The following BABAM2 variants were observed in gnomAD, a reference collection of about 807,000 sequenced individuals.
BABAM2 encodes BRISC and BRCA1-A complex member 2.
BABAM2 carries 31 observed loss-of-function variants against 54.7 expected under a neutral mutation model. The observed-to-expected ratio is 0.57, with a 90% CI of 0.43 to 0.77. The LOEUF (loss-of-function observed/expected upper bound fraction) is 0.77, where lower values mean the gene tolerates loss of function less well. Ranked by LOEUF, BABAM2 falls within the 30% of genes least tolerant of loss-of-function variation. The probability of loss-of-function intolerance (pLI) is 0.00; values close to 1 mark genes in which losing one functional copy is unlikely to be tolerated. For missense variants in BABAM2, 364 were observed against 455.8 expected (o/e 0.80, Z 1.83); for synonymous variants, 167 against 162.9 (o/e 1.03, Z -0.19).
intron 4 of BABAM2, among the ~76,000 whole-genome samples, chr2:28,002,159 T>C (rs1436354270): frequency 6.6e-6 from 1 of 152,168 alleles, no homozygotes; most frequent in Non-Finnish European, 1.5e-5. Flanking sequence ...TAAACAATGT[T>C]ATCAGGGCTT....
upstream of BABAM2, chr2:27,890,112 G>T: frequency 1.5e-6 from 1 of 651,658 alleles, no homozygotes; most frequent in Non-Finnish European, 2.6e-6. This position sits in a 1 kb window ranked among gnomAD's most constrained non-coding sequence, Gnocchi z 4.8. Context: ...AAGGTAGGCT[G>T]AAGGCTTCGA....
chr2:28,184,922 T>C (rs1676120111), intron 7 of BABAM2, among the ~76,000 whole-genome samples: 1 of 152,246 alleles, frequency 6.6e-6, no homozygotes, highest in African/African-American at 2.4e-5. Flanking sequence ...AAGTCACTTA[T>C]TTTCTTAAGA....
rs1558346715 is a variant in BABAM2, at chr2:28,112,147, T to TTCTTTCTTTCTTTCTTTCCCTCCC, written c.571-17123_571-17122insCTTTCTTTCTTTCTTTCCCTCCCT. Among the ~76,000 whole-genome samples, 12 of 5,242 alleles carry TTCTTTCTTTCTTTCTTTCCCTCCC rather than the reference T, an allele frequency of 2.3e-3. 2 individuals carry two copies. The highest frequency in any genetic ancestry group is 0.014 in the East Asian group (2 of 146). The allele number at this position is 5,242 out of a possible 152,430, so 3.4% of individuals were successfully genotyped here. A position where few individuals can be genotyped will look rare whatever the true frequency, so the allele number is the denominator to read the frequency against. ...TTTCTTTCTTTCTTTCTTTCTTTCT[T>TTCTTTCTTTCTTTCTTTCCCTCCC]TACCTCCCTCCCTCCCTCCCTCCCT... is the stretch of plus-strand genomic sequence containing the variant. On this transcript the variant is annotated intron_variant, in intron 6 of 11. Coordinates refer to ENST00000379624, the MANE Select transcript of BABAM2 (RefSeq NM_199191.3).
At chr2:27,977,142 A>G (rs190307107) in intron 3 of BABAM2, among the ~76,000 whole-genome samples, 22 of 152,362 alleles carry the variant, frequency 1.4e-4, no homozygotes, top group Non-Finnish European at 2.6e-4. Context: ...TGTAGGCACA[A>G]CAGCCTACAT....
intron 7 of BABAM2, among the ~76,000 whole-genome samples, chr2:28,183,205 G>A (rs916282123): frequency 1.3e-5 from 2 of 152,148 alleles, no homozygotes; most frequent in East Asian, 1.9e-4. Flanking sequence ...TTGGGAGGCC[G>A]AGTGGGGTGG....
chr2:27,909,464 G>A lies in BABAM2; in HGVS notation c.128+14780G>A, dbSNP rs575148144. On this transcript the variant is annotated intron_variant, in intron 2 of 11. Transcript: ENST00000379624. The stretch of plus-strand genomic sequence containing the variant: ...TTTTTGGGTTCTGAATATCAGTTCC[G>A]TCTCAGATAGATGTATGATTTGCAA... Among the ~76,000 whole-genome samples the A allele has an allele frequency of 3.9e-5, 6 of 152,078 alleles. No homozygotes were observed. In the East Asian group the frequency reaches 9.7e-4, roughly 24 times the overall value.
intron 2 of BABAM2, among the ~76,000 whole-genome samples, chr2:27,923,857 A>G (rs1350829024): frequency 6.6e-6 from 1 of 152,172 alleles, no homozygotes; most frequent in Non-Finnish European, 1.5e-5. Context: ...CTGTGGTCCC[A>G]GCTACCTGGG....
At chr2:27,921,495 G>A (rs1050536746) in intron 2 of BABAM2, among the ~76,000 whole-genome samples, 11 of 152,010 alleles carry the variant, frequency 7.2e-5, no homozygotes, top group Non-Finnish European at 1.6e-4. Context: ...TTAAATTATT[G>A]AGAGATGGTT....
At position 28,338,593 on chromosome 2, in the gene BABAM2, C is replaced by T. The variant is rs897054855; in HGVS notation, c.*80C>T. The T allele has an allele frequency of 8.6e-6, 13 of 1,517,034 alleles. No homozygotes were observed. Among genetic ancestry groups the T allele is most frequent in the East Asian group, 2.3e-5 (1 of 44,120 alleles). The allele number at this position is 1,517,034 out of a possible 1,614,324, so 94.0% of individuals were successfully genotyped here. A position where few individuals can be genotyped will look rare whatever the true frequency, so the allele number is the denominator to read the frequency against. On this transcript the variant is annotated 3_prime_UTR_variant, in exon 12 of 12. Coordinates refer to ENST00000379624, the MANE Select transcript of BABAM2 (RefSeq NM_199191.3). Reference sequence around the variant, plus strand: ...GCACATACAGCCGCTTCCTGGAAGCCGCCTGGAATGTCTTCACGGCAGCGT... The same window carrying T: ...GCACATACAGCCGCTTCCTGGAAGCTGCCTGGAATGTCTTCACGGCAGCGT...
intron 7 of BABAM2, among the ~76,000 whole-genome samples, chr2:28,161,399 G>A (rs926458229): frequency 2.7e-4 from 41 of 152,282 alleles, no homozygotes; most frequent in African/African-American, 9.4e-4. Flanking sequence ...TGGGAATGGG[G>A]ATGGGAGCAA....
intron 6 of BABAM2, among the ~76,000 whole-genome samples, chr2:28,110,838 CT>C (rs1667941802): frequency 6.6e-6 from 1 of 152,040 alleles, no homozygotes; most frequent in Non-Finnish European, 1.5e-5. Context: ...TGCACAAGTG[CT>C]CCAGTTTCTT....
intron 4 of BABAM2, among the ~76,000 whole-genome samples, chr2:27,996,720 C>G (rs1673173947): frequency 6.6e-6 from 1 of 152,190 alleles, no homozygotes; most frequent in Non-Finnish European, 1.5e-5. Context: ...TGTGCATAGC[C>G]TGGATTCTCA....
chr2:28,057,343 T>G (rs1678508983), intron 6 of BABAM2, among the ~76,000 whole-genome samples: 2 of 152,238 alleles, frequency 1.3e-5, no homozygotes, highest in African/African-American at 4.8e-5. Context: ...ACTTAATCCC[T>G]TCATATCAGC....
At chr2:28,131,371 G>A (rs931581695) in intron 7 of BABAM2, among the ~76,000 whole-genome samples, 227 of 17,738 alleles carry the variant, frequency 0.013, 23 homozygotes, top group Non-Finnish European at 7.5e-3. Flanking sequence ...GTGAGCCACC[G>A]CGCCCGGCCT....
intron 7 of BABAM2, among the ~76,000 whole-genome samples, chr2:28,163,028 C>T (rs192869570): frequency 1.5e-4 from 23 of 152,188 alleles, no homozygotes; most frequent in African/African-American, 5.3e-4. Flanking sequence ...TGTAGAAAAT[C>T]AAAACTAGTA....
chr2:28,144,986 A>G (rs1327263647), intron 7 of BABAM2, among the ~76,000 whole-genome samples: 2 of 152,186 alleles, frequency 1.3e-5, no homozygotes, highest in East Asian at 1.9e-4. Flanking sequence ...TCCTCACAGC[A>G]CCTGCATCAA....
At chr2:27,961,504 G>A (rs1034163918) in intron 3 of BABAM2, among the ~76,000 whole-genome samples, 2 of 152,042 alleles carry the variant, frequency 1.3e-5, no homozygotes, top group African/African-American at 4.8e-5. Flanking sequence ...TTTAAGGTAG[G>A]CTAGGTTAAG....
At chr2:28,052,381 G>A (rs1289223815) in intron 6 of BABAM2, among the ~76,000 whole-genome samples, 1 of 151,350 alleles carries the variant, frequency 6.6e-6, no homozygotes, top group Non-Finnish European at 1.5e-5. Flanking sequence ...TCCGCCTCTG[G>A]GATTCAGGCA....
intron 2 of BABAM2, among the ~76,000 whole-genome samples, chr2:27,925,640 T>A (rs1667637694): frequency 6.6e-6 from 1 of 152,196 alleles, no homozygotes; most frequent in Non-Finnish European, 1.5e-5. Flanking sequence ...TATGTAGCGA[T>A]GTCTTTCCTT....
Sources: gnomAD v4.1 joint callset for allele counts (sites outside exome capture counted in the v4.1 genomes callset) on GRCh38, gnomAD v4.1.1 for gene constraint, Gnocchi (gnomAD v3.1) non-coding constraint, MANE v1.5 for transcripts, NCBI Gene and HGNC (gene_info 2026-07-23, HGNC 2026-07-21) for gene names.